The following ENOX1 variants were observed in gnomAD, a reference collection of about 807,000 sequenced individuals.
ENOX1 encodes candidate growth-related and time keeping constitutive hydroquinone (NADH) oxidase.
Under a neutral mutation model 82.5 loss-of-function variants are expected in ENOX1, and 42 were observed. That is an observed-to-expected ratio of 0.51 (90% confidence interval 0.40 to 0.66). The LOEUF (loss-of-function observed/expected upper bound fraction) is 0.66, where lower values mean the gene tolerates loss of function less well. ENOX1 is among the 30% of genes least tolerant of loss of function. The pLI, the probability that ENOX1 is intolerant of heterozygous loss-of-function variation, is 0.00. For missense variants in ENOX1, 608 were observed against 811.6 expected (o/e 0.75, Z 3.05); for synonymous variants, 271 against 282.2 (o/e 0.96, Z 0.40).
At chr13:43,688,218 T>C (rs980825775) in intron 1 of ENOX1, among the ~76,000 whole-genome samples, 5 of 152,032 alleles carry the variant, frequency 3.3e-5, no homozygotes, top group Non-Finnish European at 4.4e-5. Flanking sequence ...CTGCAACAAG[T>C]AGACCTTCAA....
chr13:43,754,200 T>C (rs887042883), intron 1 of ENOX1, among the ~76,000 whole-genome samples: 34 of 143,378 alleles, frequency 2.4e-4, no homozygotes, highest in Non-Finnish European at 4.0e-4. Flanking sequence ...TATACATATG[T>C]ATATGTATAT....
intron 5 of ENOX1, among the ~76,000 whole-genome samples, chr13:43,361,920 T>C (rs899276394): frequency 6.6e-6 from 1 of 151,230 alleles, no homozygotes; most frequent in African/African-American, 2.4e-5. Flanking sequence ...GTTCAATTTA[T>C]ATGTGCATAC....
intron 9 of ENOX1, among the ~76,000 whole-genome samples, chr13:43,344,160 T>C (rs1212919007): frequency 6.6e-6 from 1 of 152,204 alleles, no homozygotes; most frequent in African/African-American, 2.4e-5. Context: ...GTTTGCTTTC[T>C]ACTGTCAGCA....
intron 2 of ENOX1, among the ~76,000 whole-genome samples, chr13:43,639,328 T>G (rs570672773): frequency 1.1e-4 from 16 of 152,182 alleles, no homozygotes; most frequent in African/African-American, 3.6e-4. Context: ...AACTGTGACA[T>G]ATACAAACCT....
At chr13:43,241,044 G>C (rs780331679) in intron 14 of ENOX1, among the ~76,000 whole-genome samples, 1 of 152,186 alleles carries the variant, frequency 6.6e-6, no homozygotes, top group Admixed American at 6.5e-5. Flanking sequence ...TCTGGGAACA[G>C]TCTCTCAGTG....
chr13:43,733,674 T>C (rs1016087049), intron 1 of ENOX1, among the ~76,000 whole-genome samples: 1 of 152,180 alleles, frequency 6.6e-6, no homozygotes, highest in Non-Finnish European at 1.5e-5. Flanking sequence ...TAAAAGACTT[T>C]CTGCATCATT....
At chr13:43,256,551 G>GAA (rs36062750) in intron 14 of ENOX1, among the ~76,000 whole-genome samples, 1 of 150,012 alleles carries the variant, frequency 6.7e-6, no homozygotes, top group East Asian at 1.9e-4. Flanking sequence ...CAGTTTTATG[G>GAA]AAAAAAAAAG....
At chr13:43,295,316 T>C (rs1361462711) in intron 12 of ENOX1, among the ~76,000 whole-genome samples, 2 of 152,180 alleles carry the variant, frequency 1.3e-5, no homozygotes, top group Admixed American at 1.3e-4. Context: ...CAAGCTCTTA[T>C]TCTCTTTTGT....
At chr13:43,352,490 T>G (rs1167654449) in intron 8 of ENOX1, among the ~76,000 whole-genome samples, 1 of 152,208 alleles carries the variant, frequency 6.6e-6, no homozygotes, top group Non-Finnish European at 1.5e-5. Flanking sequence ...ACACTGAAAT[T>G]CATTATCTCA....
At chr13:43,515,863 C>T (rs1202451268) in intron 2 of ENOX1, among the ~76,000 whole-genome samples, 2 of 152,154 alleles carry the variant, frequency 1.3e-5, no homozygotes, top group East Asian at 3.9e-4. Context: ...TGCTAACATG[C>T]CATGTATGCC....
chr13:43,705,300 C>CA (rs528405942), intron 1 of ENOX1, among the ~76,000 whole-genome samples: 111 of 132,666 alleles, frequency 8.4e-4, no homozygotes, highest in Middle Eastern at 8.1e-3. Flanking sequence ...AACAAACAAA[C>CA]AACAACTCTC....
intron 1 of ENOX1, among the ~76,000 whole-genome samples, chr13:43,698,382 G>A (rs532401112): frequency 4.6e-5 from 7 of 152,108 alleles, no homozygotes; most frequent in Admixed American, 6.5e-5. Context: ...ATATAAAGTT[G>A]GAAATACAGA....
intron 7 of ENOX1, 181 bp downstream of exon 7, chr13:43,359,670 A>C (rs988288581): frequency 1.7e-6 from 1 of 598,526 alleles, no homozygotes; most frequent in African/African-American, 1.9e-5. Flanking sequence ...TCCTGCAGTG[A>C]AGTACCTTCA....
chr13:43,558,998 T>C (rs1002203504), intron 2 of ENOX1, among the ~76,000 whole-genome samples: 2 of 152,122 alleles, frequency 1.3e-5, no homozygotes, highest in South Asian at 2.1e-4. Flanking sequence ...CTCACCTCTC[T>C]TCTCTGCAAA....
intron 1 of ENOX1, among the ~76,000 whole-genome samples, chr13:43,675,603 T>G (rs2085471633): frequency 6.6e-6 from 1 of 152,220 alleles, no homozygotes; most frequent in Non-Finnish European, 1.5e-5. Flanking sequence ...GTCAGCAATC[T>G]TTCGAAGAAC....
intron 2 of ENOX1, among the ~76,000 whole-genome samples, chr13:43,516,529 A>G (rs928507507): frequency 6.6e-6 from 1 of 152,176 alleles, no homozygotes; most frequent in African/African-American, 2.4e-5. Flanking sequence ...TCTCCTGTCT[A>G]CTGAAGGATC....
chr13:43,605,848 C>T (rs1423398249), intron 2 of ENOX1, among the ~76,000 whole-genome samples: 1 of 152,078 alleles, frequency 6.6e-6, no homozygotes, highest in African/African-American at 2.4e-5. Context: ...GCAAAGGAAA[C>T]AATCAACAAA....
At chr13:43,645,012 A>G (rs1451233671) in intron 2 of ENOX1, among the ~76,000 whole-genome samples, 3 of 152,256 alleles carry the variant, frequency 2.0e-5, no homozygotes, top group Non-Finnish European at 4.4e-5. Context: ...ACCATAACTA[A>G]AGATAACATA....
intron 3 of ENOX1, among the ~76,000 whole-genome samples, chr13:43,419,415 G>A (rs78352177): frequency 0.056 from 8,486 of 152,022 alleles, 740 homozygotes; most frequent in African/African-American, 0.18. Flanking sequence ...GCATGGTAGT[G>A]CCCTCCTGTC....
Sources: gnomAD v4.1 joint callset for allele counts (sites outside exome capture counted in the v4.1 genomes callset) on GRCh38, gnomAD v4.1.1 for gene constraint, MANE v1.5 for transcripts, NCBI Gene and HGNC (gene_info 2026-07-23, HGNC 2026-07-21) for gene names.